Variants in CCDC141 observed in about 807,000 individuals in gnomAD.
CCDC141 encodes the protein coiled-coil domain containing 141, also known as coiled-coil domain-containing protein 141.
Under a neutral mutation model 181.0 loss-of-function variants are expected in CCDC141, and 168 were observed. The observed-to-expected ratio is 0.93, with a 90% CI of 0.82 to 1.05. The LOEUF (loss-of-function observed/expected upper bound fraction) is 1.05, where lower values mean the gene tolerates loss of function less well. Ranked by LOEUF, CCDC141 falls within the 50% of genes least tolerant of loss-of-function variation. The pLI, the probability that CCDC141 is intolerant of heterozygous loss-of-function variation, is 0.00. For missense variants in CCDC141, 1,902 were observed against 1,788.5 expected, an observed-to-expected ratio of 1.06 and a Z score of -1.14; for synonymous variants, 666 against 642.3, an observed-to-expected ratio of 1.04 and a Z score of -0.56.
In CCDC141 at chr2:179,049,912, C is replaced by T. The variant is rs766806326; in HGVS notation, c.30G>A (p.Ala10=). The change falls in exon 1 of 24, where the codon GCG becomes GCA. Residue 10 remains alanine, a synonymous_variant. Coordinates refer to ENST00000443758, the MANE Select transcript of CCDC141 (RefSeq NM_173648.4). ...CTGAACTGACTGTCGTCGTAGAAAGCGCAACACTAGGACTTCCTTGGCTGG... is the reference window on the plus strand; with the variant it reads ...CTGAACTGACTGTCGTCGTAGAAAGTGCAACACTAGGACTTCCTTGGCTGG... MSSQGSPSV[A]LSTTTVSSVA... 44 of 1,550,712 alleles carry T rather than the reference C, an allele frequency of 2.8e-5. No individual in the cohort carries two copies. The East Asian group carries it at 4.4e-4, about 16-fold the overall frequency.
Position 178,934,303 on chromosome 2 carries a change from CA to C in CCDC141, c.897+10231del, listed in dbSNP as rs201114413. On this transcript the variant is annotated intron_variant, in intron 6 of 23. Transcript: ENST00000443758. ...AAGAGAAGGACTGATTATGCCTTCT[CA>C]AAAAAAATAATTAGCAAGTATTTGT... 4.3e-4 allele frequency among the ~76,000 whole-genome samples: 65 copies of C among 151,688 alleles called. 1 individual carries two copies. Among genetic ancestry groups the C allele is most frequent in the East Asian group, 1.9e-4 (1 of 5,168 alleles).
chr2:179,023,722 T>C lies in CCDC141; in HGVS notation c.225+23562A>G, dbSNP rs550502373. On this transcript the variant is annotated intron_variant, in intron 2 of 23. Transcript: ENST00000443758. ...CACTCTTATGAGAAATATATACATA[T>C]GTAAAAATATAAGCAAACTAACATT... Among the ~76,000 whole-genome samples the C allele has an allele frequency of 8.8e-4, 134 of 152,276 alleles. 2 individuals carry two copies. In the South Asian group the frequency reaches 0.026, roughly 30 times the overall value.
Position 178,837,362 on chromosome 2 carries a change from T to A in CCDC141, c.3857A>T (p.His1286Leu). The A allele has an allele frequency of 6.2e-7, 1 of 1,614,060 alleles. No homozygotes were observed. Among genetic ancestry groups the A allele is most frequent in the Non-Finnish European group, 8.5e-7 (1 of 1,179,972 alleles). The stretch of plus-strand genomic sequence containing the variant: ...GAACTGGAGGTAAGGCCTCTCAAAA[T>A]GACTTGAAAATGTTTCTCTCTTATC... ...CNDKRETFSS[H>L]FERPYLQFKA... The change falls in exon 23 of 24, where the codon CAT becomes CTT. Residue 1286 changes from histidine to leucine, a missense_variant. By Grantham distance (99) the His-to-Leu change is moderately conservative (BLOSUM62 -3). Transcript: ENST00000443758.
chr2:178,937,705 G>C lies in CCDC141; in HGVS notation c.897+6830C>G, dbSNP rs547556473. Reference sequence around the variant, plus strand: ...TTGGCTATGAATCCATCTGGTCTTAGGCATTTTTTTTGTTGATAGGCTGTT... The same window carrying C: ...TTGGCTATGAATCCATCTGGTCTTACGCATTTTTTTTGTTGATAGGCTGTT... On this transcript the variant is annotated intron_variant, in intron 6 of 23. Coordinates refer to ENST00000443758, the MANE Select transcript of CCDC141 (RefSeq NM_173648.4). Among the ~76,000 whole-genome samples, 123 of 152,098 alleles carry C rather than the reference G, an allele frequency of 8.1e-4. 1 individual carries two copies. The highest frequency in any genetic ancestry group is 2.7e-3 in the African/African-American group (110 of 41,496).
intron 8 of CCDC141, among the ~76,000 whole-genome samples, chr2:178,892,250 A>T (rs1687191532): frequency 6.6e-6 from 1 of 152,154 alleles, no homozygotes; most frequent in African/African-American, 2.4e-5. Flanking sequence ...TTAAAGCCTT[A>T]GAGGGACAGA....
chr2:178,861,795 G>C (rs527272937), intron 17 of CCDC141, among the ~76,000 whole-genome samples: 1 of 152,240 alleles, frequency 6.6e-6, no homozygotes, highest in East Asian at 1.9e-4. Context: ...TTATGGCTTG[G>C]TACACAGAAG....
intron 2 of CCDC141, among the ~76,000 whole-genome samples, chr2:179,046,294 G>GCTGTAC (rs1559070038): frequency 6.6e-6 from 1 of 152,216 alleles, no homozygotes; most frequent in Non-Finnish European, 1.5e-5. Flanking sequence ...AGGGCTTAAT[G>GCTGTAC]CTGTACCTGT....
At chr2:178,991,905 T>C (rs1355253360) in intron 2 of CCDC141, among the ~76,000 whole-genome samples, 1 of 151,872 alleles carries the variant, frequency 6.6e-6, no homozygotes, top group Admixed American at 6.6e-5. Context: ...TTTCTGCAAA[T>C]AAAAACAAAA....
At chr2:178,984,154 C>A (rs924729923) in intron 2 of CCDC141, among the ~76,000 whole-genome samples, 1 of 151,790 alleles carries the variant, frequency 6.6e-6, no homozygotes, top group African/African-American at 2.4e-5. Flanking sequence ...GAGTGGGGGC[C>A]AATAGTCAAC....
the CCDC141 span, among the ~76,000 whole-genome samples, chr2:178,816,047 A>G: frequency 6.6e-6 from 1 of 152,228 alleles, no homozygotes; most frequent in African/African-American, 2.4e-5. Context: ...TTGATGCATT[A>G]TTACTAAAGT....
chr2:178,827,100 T>G (rs993863727), downstream of CCDC141, among the ~76,000 whole-genome samples: 1 of 152,158 alleles, frequency 6.6e-6, no homozygotes, highest in African/African-American at 2.4e-5. Context: ...CTTATTGAGA[T>G]TTTTTTGATC....
At chr2:178,860,471 T>C (rs1685556997) in intron 17 of CCDC141, among the ~76,000 whole-genome samples, 1 of 144,362 alleles carries the variant, frequency 6.9e-6, no homozygotes, top group African/African-American at 2.6e-5. Context: ...AGGCAGATGT[T>C]GCAGTGAGCC....
chr2:178,997,645 T>C (rs1303881071), intron 2 of CCDC141, among the ~76,000 whole-genome samples: 3 of 152,180 alleles, frequency 2.0e-5, no homozygotes, highest in East Asian at 1.9e-4. Context: ...TCCCACCAAA[T>C]AGCATCCCTA....
At chr2:178,996,037 A>G (rs966124988) in intron 2 of CCDC141, among the ~76,000 whole-genome samples, 19 of 152,068 alleles carry the variant, frequency 1.2e-4, no homozygotes, top group African/African-American at 3.6e-4. Context: ...TCCTATGACA[A>G]TGAGTGTGGT....
At chr2:178,824,598 G>T in the CCDC141 span, among the ~76,000 whole-genome samples, 1 of 122,674 alleles carries the variant, frequency 8.2e-6, no homozygotes, top group African/African-American at 3.2e-5. Context: ...CAGCCTGGGC[G>T]ACAAGAGTGA....
intron 2 of CCDC141, among the ~76,000 whole-genome samples, chr2:178,989,947 C>T (rs577870824): frequency 1.3e-5 from 2 of 151,206 alleles, no homozygotes; most frequent in Admixed American, 1.3e-4. Context: ...CACGACCAGC[C>T]TGACCAACAT....
intron 1 of CCDC141, among the ~76,000 whole-genome samples, chr2:179,049,092 A>G (rs2043593895): frequency 1.3e-5 from 2 of 152,118 alleles, no homozygotes; most frequent in African/African-American, 4.8e-5. Flanking sequence ...TTTTTTTTAC[A>G]GGGCATTTCC....
At chr2:178,971,425 A>G (rs1690882103) in intron 4 of CCDC141, among the ~76,000 whole-genome samples, 1 of 152,150 alleles carries the variant, frequency 6.6e-6, no homozygotes, top group Admixed American at 6.5e-5. Flanking sequence ...GAAACAACAG[A>G]TACTGGAAAG....
chr2:178,937,529 T>C (rs1689339565), intron 6 of CCDC141, among the ~76,000 whole-genome samples: 1 of 152,140 alleles, frequency 6.6e-6, no homozygotes, highest in Admixed American at 6.6e-5. Flanking sequence ...TCAATATTCA[T>C]CAAGGATATT....
Sources: allele counts gnomAD v4.1 joint callset (sites outside exome capture counted in the v4.1 genomes callset), GRCh38; gene constraint gnomAD v4.1.1; transcripts MANE v1.5; gene names NCBI Gene and HGNC (gene_info 2026-07-23, HGNC 2026-07-21).